XNDC1N: variants seen among roughly 807,000 people sequenced by gnomAD.
XNDC1N encodes protein XNDC1N.
chr11:71,918,438 C>T, the XNDC1N span, among the ~76,000 whole-genome samples: 3 of 152,114 alleles, frequency 2.0e-5, no homozygotes, highest in East Asian at 5.8e-4. Context: ...TGCGCCACCA[C>T]ACCTGGCTAA....
chr11:71,889,177 A>C, the XNDC1N span, among the ~76,000 whole-genome samples: 445 of 152,356 alleles, frequency 2.9e-3, 5 homozygotes, highest in African/African-American at 0.01. Context: ...CACTGATTCT[A>C]GGTATGTCTT....
chr11:71,879,755 C>T, the XNDC1N span, among the ~76,000 whole-genome samples: 2 of 152,118 alleles, frequency 1.3e-5, no homozygotes, highest in African/African-American at 4.8e-5. Context: ...ATCTCTCCTC[C>T]TCCCAGTCCC....
At chr11:71,907,344 G>T in the XNDC1N span, among the ~76,000 whole-genome samples, 2 of 151,800 alleles carry the variant, frequency 1.3e-5, no homozygotes, top group East Asian at 2.0e-4. Context: ...ATCGCAGGGG[G>T]GTGAGGCGCC....
the XNDC1N span, among the ~76,000 whole-genome samples, chr11:71,881,601 T>C: frequency 1.3e-5 from 2 of 151,930 alleles, no homozygotes; most frequent in East Asian, 1.9e-4. Flanking sequence ...ACGAGGGCCA[T>C]ACCCTGGGAG....
At chr11:71,876,659 T>C in the XNDC1N span, among the ~76,000 whole-genome samples, 3 of 152,190 alleles carry the variant, frequency 2.0e-5, no homozygotes, top group Non-Finnish European at 4.4e-5. Flanking sequence ...CAAATGTTCA[T>C]AGAAAATATC....
At chr11:71,910,827 A>G in the XNDC1N span, among the ~76,000 whole-genome samples, 1 of 152,156 alleles carries the variant, frequency 6.6e-6, no homozygotes, top group East Asian at 1.9e-4. Context: ...CAAACTTTGC[A>G]GTATTAGCCA....
chr11:71,865,753 A>C, the XNDC1N span: 1 of 401,582 alleles, frequency 2.5e-6, no homozygotes, highest in Non-Finnish European at 4.7e-6. Context: ...CAGCACTGTC[A>C]ACATTTTGAG....
At chr11:71,904,531 C>G in the XNDC1N span, among the ~76,000 whole-genome samples, 1 of 142,458 alleles carries the variant, frequency 7.0e-6, no homozygotes, top group East Asian at 2.3e-4. Context: ...AGTCATATCT[C>G]TCTATGAGAT....
the XNDC1N span, chr11:71,903,967 T>C: frequency 6.0e-6 from 3 of 502,034 alleles, no homozygotes; most frequent in East Asian, 5.7e-5. Context: ...CGTTGGAGGG[T>C]ACCTCGGTTC....
chr11:71,927,832 TGATTATTTTTAAGTAAATGG>T, the XNDC1N span: 1 of 152,270 alleles, frequency 6.6e-6, no homozygotes, highest in Non-Finnish European at 1.5e-5. Context: ...AAAATAAAAA[TGATTATTTTTAAGTAAATGG>T]GATGCCTGTG....
the XNDC1N span, among the ~76,000 whole-genome samples, chr11:71,892,121 C>T: frequency 2.0e-5 from 3 of 152,084 alleles, no homozygotes; most frequent in South Asian, 2.1e-4. Context: ...AAAAATATCA[C>T]TCACGGTGTA....
chr11:71,896,898 T>A, the XNDC1N span, among the ~76,000 whole-genome samples: 7 of 152,332 alleles, frequency 4.6e-5, no homozygotes, highest in African/African-American at 1.7e-4. Context: ...AGTTGTTGTT[T>A]GTTTGTTTTG....
At chr11:71,907,094 G>A in the XNDC1N span, among the ~76,000 whole-genome samples, 1 of 152,082 alleles carries the variant, frequency 6.6e-6, no homozygotes, top group Non-Finnish European at 1.5e-5. Context: ...TTAACGTCCC[G>A]CTAGGGTATT....
chr11:71,895,475 A>ATTTTTTT, the XNDC1N span, among the ~76,000 whole-genome samples: 85 of 98,358 alleles, frequency 8.6e-4, no homozygotes, highest in Non-Finnish European at 1.2e-3. Flanking sequence ...ATGCCTGGCT[A>ATTTTTTT]TTTTTTTTTT....
the XNDC1N span, among the ~76,000 whole-genome samples, chr11:71,881,592 C>T: frequency 3.2e-4 from 49 of 151,608 alleles, no homozygotes; most frequent in African/African-American, 9.2e-4. Context: ...CCATATTGCA[C>T]GAGGGCCATA....
At chr11:71,892,267 T>G in the XNDC1N span, among the ~76,000 whole-genome samples, 5,666 of 152,122 alleles carry the variant, frequency 0.037, 269 homozygotes, top group East Asian at 0.16. Context: ...CATCGCAGGG[T>G]GTACACCCAC....
the XNDC1N span, among the ~76,000 whole-genome samples, chr11:71,891,231 G>A: frequency 6.8e-6 from 1 of 146,746 alleles, no homozygotes; most frequent in Admixed American, 6.7e-5. Context: ...GCGATATTGG[G>A]AGTCATATCA....
chr11:71,907,495 G>A, the XNDC1N span, among the ~76,000 whole-genome samples: 3 of 151,796 alleles, frequency 2.0e-5, no homozygotes, highest in African/African-American at 7.3e-5. Flanking sequence ...TAGGATCCGC[G>A]GTGGACTCAC....
chr11:71,870,733 G>A, the XNDC1N span, among the ~76,000 whole-genome samples: 1 of 152,062 alleles, frequency 6.6e-6, no homozygotes, highest in Non-Finnish European at 1.5e-5. Flanking sequence ...GAGGTGAATA[G>A]ACATTTCTCA....
Sources: gnomAD v4.1 joint callset for allele counts (sites outside exome capture counted in the v4.1 genomes callset) on GRCh38, gnomAD v4.1.1 for gene constraint, MANE v1.5 for transcripts, NCBI Gene and HGNC (gene_info 2026-07-23, HGNC 2026-07-21) for gene names.